ANO1: variants seen among roughly 807,000 people sequenced by gnomAD.
The protein encoded by ANO1 is anoctamin-1.
ANO1 carries 59 observed loss-of-function variants against 124.0 expected under a neutral mutation model. The ratio of observed to expected loss-of-function variants is 0.48; its 90% confidence interval spans 0.39 to 0.59. The LOEUF is 0.59. Among genes scored for constraint, ANO1 ranks in the 20% least tolerant of loss-of-function variants. ANO1 has a pLI of 0.00. For missense variants in ANO1, 1,059 were observed against 1,328.0 expected, an observed-to-expected ratio of 0.80 and a Z score of 3.15; for synonymous variants, 529 against 532.0, an observed-to-expected ratio of 0.99 and a Z score of 0.08.
Position 70,000,222 on chromosome 11 carries a change from A to T in ANO1, c.58+14056A>T, listed in dbSNP as rs546847487. Among the ~76,000 whole-genome samples the T allele has an allele frequency of 9.6e-4, 145 of 151,816 alleles. 1 individual carries two copies. The highest frequency in any genetic ancestry group is 5.2e-3 in the South Asian group (25 of 4,806). On this transcript the variant is annotated intron_variant, in intron 1 of 27. Transcript: ENST00000531349. ...TTTCTTTTTGCCTGTAATTAGCTAG[A>T]TGTTTCATTTGTGTGTTTGAGGCAC...
intron 1 of ANO1, among the ~76,000 whole-genome samples, chr11:70,021,598 C>A (rs116829596): frequency 5.2e-4 from 79 of 152,118 alleles, no homozygotes; most frequent in African/African-American, 1.7e-3. Flanking sequence ...CCATTTAAAG[C>A]GGCCTCATTA....
In ANO1 at chr11:70,167,337, A is replaced by T; in HGVS notation, c.2147A>T (p.Asp716Val). Residue 716 changes from aspartate (D) to valine (V), a missense_variant, in exon 21 of 26, where the codon GAT becomes GTT. Transcript: ENST00000355303. Reference protein sequence around the residue: ...CVKRKQRYEVDYNLEPFAGLT... With the variant: ...CVKRKQRYEVVYNLEPFAGLT... ...AAGAGGAAACAGCGGTACGAGGTGGATTACAACCTGGAGCCCTTCGCGGGC... is the reference window on the plus strand; with the variant it reads ...AAGAGGAAACAGCGGTACGAGGTGGTTTACAACCTGGAGCCCTTCGCGGGC... 1 of 1,613,832 alleles carries T rather than the reference A, an allele frequency of 6.2e-7. No homozygotes were observed.
Position 70,078,533 on chromosome 11 carries a change from C to G in ANO1, c.-74C>G. ...AGCGCGCCGCGAACGCTGCGGTCTC[C>G]GCCCGCAGAGGCCGCCGGGGCCGTG... On this transcript the variant is annotated 5_prime_UTR_variant, in exon 1 of 26. Transcript: ENST00000355303. 1 of 1,074,044 alleles carries G rather than the reference C, an allele frequency of 9.3e-7. No individual in the cohort carries two copies. Among genetic ancestry groups the G allele is most frequent in the African/African-American group, 1.7e-5 (1 of 57,732 alleles). The allele number at this position is 1,074,044 out of a possible 1,614,324, so 66.5% of individuals were successfully genotyped here. A position where few individuals can be genotyped will look rare whatever the true frequency, so the allele number is the denominator to read the frequency against.
chr11:70,108,769 C>T (rs899999731), intron 6 of ANO1, among the ~76,000 whole-genome samples: 2 of 152,138 alleles, frequency 1.3e-5, no homozygotes, highest in Admixed American at 6.5e-5. Context: ...GGGTTCCAGC[C>T]GGGGCGGCAT....
Position 70,001,343 on chromosome 11 carries a change from G to A in ANO1, c.58+15177G>A, listed in dbSNP as rs553157688. On this transcript the variant is annotated intron_variant, in intron 1 of 27. Coordinates refer to the ANO1 transcript ENST00000531349. ...CCAGACCCTTAAGTTCAACAGAAATGCACACACATCCAAAGCCATGAGTGA... is the reference window on the plus strand; with the variant it reads ...CCAGACCCTTAAGTTCAACAGAAATACACACACATCCAAAGCCATGAGTGA... Among the ~76,000 whole-genome samples the A allele has an allele frequency of 3.9e-5, 6 of 152,264 alleles. No individual in the cohort carries two copies. In the South Asian group the frequency reaches 1.2e-3, roughly 32 times the overall value.
At chr11:69,982,040 G>A (rs1591014625), upstream of ANO1, among the ~76,000 whole-genome samples, 1 of 152,138 alleles carries the variant, frequency 6.6e-6, no homozygotes, top group Non-Finnish European at 1.5e-5. Context: ...GGGGGGAGAT[G>A]GGGAGTGACT....
At chr11:69,996,032 A>T (rs1856265266) in intron 1 of ANO1, among the ~76,000 whole-genome samples, 1 of 152,050 alleles carries the variant, frequency 6.6e-6, no homozygotes, top group Non-Finnish European at 1.5e-5. Flanking sequence ...AATCGCTTGA[A>T]CCCAGGAGGT....
rs565944735 is a variant in ANO1 at position 70,106,200 on chromosome 11, G to A, written c.747+412G>A. On this transcript the variant is annotated intron_variant, in intron 5 of 25. Transcript: ENST00000355303. ...AGGGAGGGTTGGTGGAGGCAAAGGC[G>A]CGTGGGTTGAGATCTCTTTCCAGGC... Among the ~76,000 whole-genome samples, 8 of 152,296 alleles carry A rather than the reference G, an allele frequency of 5.3e-5. No individual in the cohort carries two copies. In the East Asian group the frequency reaches 5.8e-4, roughly 11 times the overall value.
intron 25 of ANO1, among the ~76,000 whole-genome samples, chr11:70,187,305 A>C (rs904020724): frequency 1.3e-5 from 2 of 152,214 alleles, no homozygotes; most frequent in Non-Finnish European, 2.9e-5. Context: ...TCTATCCACC[A>C]GAAATGTCTC....
intron 1 of ANO1, among the ~76,000 whole-genome samples, chr11:70,069,225 T>C (rs913182177): frequency 3.3e-5 from 5 of 152,220 alleles, no homozygotes; most frequent in African/African-American, 1.2e-4. Context: ...TCTTCTGAGA[T>C]GTGGCTTGAA....
At chr11:69,989,650 C>T (rs1373060998) in intron 1 of ANO1, among the ~76,000 whole-genome samples, 2 of 152,120 alleles carry the variant, frequency 1.3e-5, no homozygotes, top group African/African-American at 4.8e-5. Context: ...AGGGAAGGGA[C>T]CTGAGCTGAC....
At chr11:69,971,590 T>C in the ANO1 span, among the ~76,000 whole-genome samples, 2 of 152,114 alleles carry the variant, frequency 1.3e-5, no homozygotes, top group African/African-American at 2.4e-5. Context: ...TTCTTGTTTG[T>C]TTTGTTTTTG....
At chr11:70,187,631 A>G in intron 25 of ANO1, 107 bp from the exon 26 acceptor site, 3 of 1,383,658 alleles carry the variant, frequency 2.2e-6, no homozygotes, top group Non-Finnish European at 2.9e-6. Flanking sequence ...TCAATGGGCC[A>G]GGAGGTGGTG....
intron 2 of ANO1, among the ~76,000 whole-genome samples, 196 bp downstream of exon 2, chr11:70,088,280 G>T (rs955762802): frequency 3.9e-5 from 6 of 152,040 alleles, no homozygotes; most frequent in Admixed American, 6.5e-5. Flanking sequence ...GGGAGGCTGA[G>T]GGGGGTGGTT....
At chr11:70,101,804 C>T (rs1396006793) in intron 2 of ANO1, among the ~76,000 whole-genome samples, 1 of 152,136 alleles carries the variant, frequency 6.6e-6, no homozygotes, top group African/African-American at 2.4e-5. Flanking sequence ...TTTGCCAAGA[C>T]TTCCCATCCC....
At chr11:70,089,236 T>C (rs1307124647) in intron 2 of ANO1, among the ~76,000 whole-genome samples, 2 of 152,220 alleles carry the variant, frequency 1.3e-5, no homozygotes, top group Non-Finnish European at 2.9e-5. Context: ...GTCGGCAGGT[T>C]AACTTAGAAA....
intron 1 of ANO1, among the ~76,000 whole-genome samples, chr11:70,037,826 G>A (rs1555004563): frequency 6.6e-6 from 1 of 152,158 alleles, no homozygotes; most frequent in Non-Finnish European, 1.5e-5. Context: ...CCCCTGGGAT[G>A]AGCACAATTA....
At chr11:70,106,559 C>T (rs1325213870) in intron 5 of ANO1, among the ~76,000 whole-genome samples, 4 of 152,104 alleles carry the variant, frequency 2.6e-5, no homozygotes, top group Admixed American at 1.3e-4. Flanking sequence ...CGTACCAGCA[C>T]GGGGGGTTCT....
At chr11:70,157,712 C>T (rs1330692380) in intron 16 of ANO1, among the ~76,000 whole-genome samples, 2 of 152,026 alleles carry the variant, frequency 1.3e-5, no homozygotes, top group Non-Finnish European at 2.9e-5. Flanking sequence ...ATTAAATGGG[C>T]CGGGTGCAGT....
Sources: gnomAD v4.1 joint callset for allele counts (sites outside exome capture counted in the v4.1 genomes callset) on GRCh38, gnomAD v4.1.1 for gene constraint, MANE v1.5 for transcripts, NCBI Gene and HGNC (gene_info 2026-07-23, HGNC 2026-07-21) for gene names.